The following WWOX variants were observed in gnomAD, a reference collection of about 807,000 sequenced individuals.
WWOX encodes the protein WW domain containing oxidoreductase.
WWOX carries 69 observed loss-of-function variants against 46.2 expected under a neutral mutation model. That is an observed-to-expected ratio of 1.49 (90% CI 1.23 to 1.82). The LOEUF (loss-of-function observed/expected upper bound fraction) is 1.82. WWOX is among the 40% of genes most tolerant of loss of function. WWOX has a pLI of 0.00. For missense variants in WWOX, 919 were observed against 542.6 expected (o/e 1.69, Z -6.89); for synonymous variants, 359 against 202.6 (o/e 1.77, Z -6.56).
chr16:78,920,073 G>A (rs906692151), intron 8 of WWOX, among the ~76,000 whole-genome samples: 9 of 152,130 alleles, frequency 5.9e-5, no homozygotes, highest in Non-Finnish European at 1.0e-4. Context: ...ACCCCACCAT[G>A]CCATAGCTTG....
chr16:78,525,513 A>T (rs577116653), intron 8 of WWOX: 23 of 152,288 alleles, frequency 1.5e-4, no homozygotes, highest in African/African-American at 5.3e-4. Flanking sequence ...CAAATGGGAG[A>T]TACTTGTTTG....
chr16:78,785,230 A>T (rs1421355326), intron 8 of WWOX, among the ~76,000 whole-genome samples: 3 of 152,238 alleles, frequency 2.0e-5, no homozygotes, highest in Non-Finnish European at 2.9e-5. Flanking sequence ...AGCAAAGGAG[A>T]TAAGGCTGCA....
intron 4 of WWOX, among the ~76,000 whole-genome samples, chr16:78,121,834 T>C (rs2033108646): frequency 6.6e-6 from 1 of 152,048 alleles, no homozygotes; most frequent in Non-Finnish European, 1.5e-5. Flanking sequence ...ACTAATTTTA[T>C]GTTTTTAGTA....
At chr16:78,305,153 C>G (rs987196596) in intron 5 of WWOX, among the ~76,000 whole-genome samples, 1 of 152,170 alleles carries the variant, frequency 6.6e-6, no homozygotes, top group Non-Finnish European at 1.5e-5. Context: ...TCCTGCCACA[C>G]TAGTGTGTAT....
chr16:78,999,939 A>G lies in WWOX; in HGVS notation c.1057-211669A>G, dbSNP rs184874390. 3.8e-4 allele frequency among the ~76,000 whole-genome samples: 58 copies of G among 152,340 alleles called. No homozygotes were observed. The Middle Eastern group carries it at 0.01, about 27-fold the overall frequency. ...CTACGTCATGAGAAAGCATTGTGCC[A>G]TATTTTCACCGGGAGCATTTTTTTT... On this transcript the variant is annotated intron_variant, in intron 8 of 8. Coordinates refer to ENST00000566780, the MANE Select transcript of WWOX (RefSeq NM_016373.4).
At chr16:79,040,702 C>A (rs544958906) in intron 8 of WWOX, among the ~76,000 whole-genome samples, 1 of 152,214 alleles carries the variant, frequency 6.6e-6, no homozygotes, top group East Asian at 1.9e-4. Context: ...GCAAAAGAGT[C>A]ACAGATCATT....
At chr16:78,256,014 G>A (rs527756497) in intron 5 of WWOX, among the ~76,000 whole-genome samples, 1 of 151,672 alleles carries the variant, frequency 6.6e-6, no homozygotes, top group Non-Finnish European at 1.5e-5. Context: ...GTCGGGCATG[G>A]TGGCATGTGC....
intron 8 of WWOX, among the ~76,000 whole-genome samples, chr16:78,470,319 G>A (rs1008884025): frequency 1.3e-5 from 2 of 152,120 alleles, no homozygotes; most frequent in African/African-American, 2.4e-5. Context: ...AGGAAGATGC[G>A]GGGCATAGTA....
intron 8 of WWOX, among the ~76,000 whole-genome samples, chr16:79,061,645 A>G (rs1397587122): frequency 6.6e-6 from 1 of 152,216 alleles, no homozygotes; most frequent in Non-Finnish European, 1.5e-5. Context: ...GTATTGGTTC[A>G]GGGGCAAAGA....
chr16:78,874,550 T>G (rs2044195348), intron 8 of WWOX, among the ~76,000 whole-genome samples: 1 of 152,124 alleles, frequency 6.6e-6, no homozygotes, highest in African/African-American at 2.4e-5. Flanking sequence ...AACTTGATGT[T>G]ATTCATGGCA....
intron 8 of WWOX, among the ~76,000 whole-genome samples, chr16:78,917,682 G>A (rs570869155): frequency 2.2e-4 from 33 of 152,058 alleles, no homozygotes; most frequent in Admixed American, 1.6e-3. Context: ...TTCCTACATG[G>A]CTGTGACTAC....
chr16:78,386,987 T>G, intron 6 of WWOX, 39 bp downstream of exon 6: 2 of 1,580,844 alleles, frequency 1.3e-6, no homozygotes, highest in African/African-American at 1.3e-5. Context: ...CATAATTTCT[T>G]GCTATTGTAA....
intron 8 of WWOX, among the ~76,000 whole-genome samples, chr16:79,031,545 C>T (rs996436903): frequency 2.6e-5 from 4 of 152,006 alleles, no homozygotes; most frequent in African/African-American, 9.7e-5. Context: ...CTACACCCCC[C>T]TGTGGATGTG....
chr16:78,719,396 C>G (rs1372659817), intron 8 of WWOX, among the ~76,000 whole-genome samples: 2 of 152,210 alleles, frequency 1.3e-5, no homozygotes, highest in Non-Finnish European at 2.9e-5. Flanking sequence ...CAAGAAGAAA[C>G]AATAATCAGA....
intron 8 of WWOX, among the ~76,000 whole-genome samples, chr16:78,565,436 C>A (rs1241108075): frequency 6.6e-6 from 1 of 152,166 alleles, no homozygotes; most frequent in Admixed American, 6.5e-5. Flanking sequence ...CCTCTGGCTT[C>A]AAACCAGCAG....
intron 8 of WWOX, among the ~76,000 whole-genome samples, chr16:78,826,774 G>C (rs1370524786): frequency 6.6e-6 from 1 of 152,172 alleles, no homozygotes; most frequent in Non-Finnish European, 1.5e-5. Flanking sequence ...TAAGAGCACA[G>C]TGGTGAGGTT....
At chr16:78,357,771 C>G (rs1165471644) in intron 5 of WWOX, among the ~76,000 whole-genome samples, 1 of 152,212 alleles carries the variant, frequency 6.6e-6, no homozygotes, top group Non-Finnish European at 1.5e-5. Flanking sequence ...TTGCTGCACT[C>G]TTGCTGGGTA....
At chr16:78,614,981 C>T (rs1159250630) in intron 8 of WWOX, among the ~76,000 whole-genome samples, 1 of 152,056 alleles carries the variant, frequency 6.6e-6, no homozygotes, top group Non-Finnish European at 1.5e-5. Flanking sequence ...TCACGTTTTG[C>T]TCTGGGCTGT....
intron 5 of WWOX, among the ~76,000 whole-genome samples, chr16:78,205,390 A>C (rs191972499): frequency 6.8e-6 from 1 of 147,846 alleles, no homozygotes; most frequent in South Asian, 2.1e-4. Context: ...TCATTCTTCT[A>C]TCCATCCAAC....
Sources: allele counts gnomAD v4.1 joint callset (sites outside exome capture counted in the v4.1 genomes callset), GRCh38; gene constraint gnomAD v4.1.1; transcripts MANE v1.5; gene names NCBI Gene and HGNC (gene_info 2026-07-23, HGNC 2026-07-21).